TENM2: variants seen among roughly 807,000 people sequenced by gnomAD.
TENM2 encodes teneurin-2.
Under a neutral mutation model 245.2 loss-of-function variants are expected in TENM2, and 52 were observed. The observed-to-expected ratio is 0.21, with a 90% CI of 0.17 to 0.27. TENM2 has a LOEUF of 0.27. Ranked by LOEUF, TENM2 falls within the 10% of genes least tolerant of loss-of-function variation. The pLI is 1.00. For synonymous variants in TENM2, 1,363 were observed against 1,438.9 expected, an observed-to-expected ratio of 0.95 and a Z score of 1.19; for missense variants, 3,046 against 3,666.8, an observed-to-expected ratio of 0.83 and a Z score of 4.37.
At chr5:167,806,929 A>C (rs1361277259) in intron 2 of TENM2, among the ~76,000 whole-genome samples, 1 of 151,788 alleles carries the variant, frequency 6.6e-6, no homozygotes, top group Non-Finnish European at 1.5e-5. Context: ...GAGCACTGCC[A>C]ACCGTGGTAT....
chr5:167,926,684 T>C (rs1260118732), intron 3 of TENM2, among the ~76,000 whole-genome samples: 1 of 150,510 alleles, frequency 6.6e-6, no homozygotes, highest in African/African-American at 2.4e-5. Flanking sequence ...TCACTGCCAC[T>C]GCACTTCAGC....
At chr5:167,330,701 G>A (rs1329853217) in intron 1 of TENM2, among the ~76,000 whole-genome samples, 1 of 152,104 alleles carries the variant, frequency 6.6e-6, no homozygotes, top group Non-Finnish European at 1.5e-5. Flanking sequence ...CAAATCTGAG[G>A]ATCCAGGAGA....
the TENM2 span, among the ~76,000 whole-genome samples, chr5:167,184,279 C>CT: frequency 6.6e-6 from 1 of 152,092 alleles, no homozygotes; most frequent in Non-Finnish European, 1.5e-5. Context: ...TCCTTTCAGC[C>CT]TTTTTTGCCT....
At chr5:167,996,359 A>G (rs1784047291) in intron 5 of TENM2, among the ~76,000 whole-genome samples, 1 of 152,146 alleles carries the variant, frequency 6.6e-6, no homozygotes, top group Non-Finnish European at 1.5e-5. Flanking sequence ...CTCAGCGTAC[A>G]AACATCCTGG....
chr5:167,691,724 A>G (rs1306938946), intron 2 of TENM2, among the ~76,000 whole-genome samples: 1 of 152,138 alleles, frequency 6.6e-6, no homozygotes, highest in Admixed American at 6.5e-5. Context: ...CAGGGAAGAG[A>G]CGCTGTGGCT....
At chr5:168,172,771 A>AG (rs1191854006) in intron 13 of TENM2, among the ~76,000 whole-genome samples, 2 of 152,208 alleles carry the variant, frequency 1.3e-5, no homozygotes. Context: ...CTGAAATGCC[A>AG]GGGGGTGAGC....
the TENM2 span, among the ~76,000 whole-genome samples, chr5:167,197,201 C>A: frequency 1.3e-5 from 2 of 152,052 alleles, no homozygotes. Context: ...AGTAACCTAA[C>A]AGGGACACAC....
the TENM2 span, among the ~76,000 whole-genome samples, chr5:167,015,702 C>A: frequency 6.6e-6 from 1 of 152,008 alleles, no homozygotes; most frequent in African/African-American, 2.4e-5. Context: ...GTAAGGATAC[C>A]AACATTAACC....
In TENM2 at chr5:168,247,422, G is replaced by A. The variant is rs1481302091; in HGVS notation, c.6483G>A (p.Lys2161=). ...ACTTCGACACCCATGGGCGGATCAA[G>A]GAGGTCCAGTATGAGATGTTCCGGT... Residue 2161 remains lysine, a synonymous_variant, in exon 27 of 29, where the codon AAG becomes AAA. Transcript: ENST00000518659. The surrounding 1 kb of genome is among the most constrained non-coding windows in gnomAD (Gnocchi z 7.8). 6.2e-7 allele frequency: 1 copy of A among 1,613,860 alleles called. No individual in the cohort carries two copies. The highest frequency in any genetic ancestry group is 1.3e-5 in the African/African-American group (1 of 74,918).
At chr5:167,429,341 T>C (rs1363254353) in intron 2 of TENM2, among the ~76,000 whole-genome samples, 1 of 152,158 alleles carries the variant, frequency 6.6e-6, no homozygotes, top group African/African-American at 2.4e-5. Context: ...CTCAAAAGAT[T>C]GTTGTGAGGA....
At chr5:167,202,874 C>G in the TENM2 span, among the ~76,000 whole-genome samples, 3 of 152,182 alleles carry the variant, frequency 2.0e-5, no homozygotes, top group East Asian at 5.8e-4. Context: ...AGCACCTTAG[C>G]AAATGACCTA....
Position 167,510,047 on chromosome 5 carries a change from T to C in TENM2, c.502+134574T>C, listed in dbSNP as rs558996076. On this transcript the variant is annotated intron_variant, in intron 2 of 28. Transcript: ENST00000518659. Reference sequence around the variant, plus strand: ...TATCTACTAAATTCTTAAAAGCAAATCTCCATCCGTCATATAGATTTGCAT... The same window carrying C: ...TATCTACTAAATTCTTAAAAGCAAACCTCCATCCGTCATATAGATTTGCAT... 1.9e-4 allele frequency among the ~76,000 whole-genome samples: 29 copies of C among 152,260 alleles called. No homozygotes were observed. In the East Asian group the frequency reaches 5.0e-3, roughly 26 times the overall value.
chr5:168,194,578 A>G (rs1761221769), intron 14 of TENM2, among the ~76,000 whole-genome samples: 1 of 152,152 alleles, frequency 6.6e-6, no homozygotes, highest in Admixed American at 6.5e-5. Flanking sequence ...ATATATACAC[A>G]TTTTTATTGA....
chr5:167,322,623 A>G (rs575796730), intron 1 of TENM2, among the ~76,000 whole-genome samples: 2 of 152,050 alleles, frequency 1.3e-5, no homozygotes, highest in African/African-American at 4.8e-5. Flanking sequence ...AAATCTCCCC[A>G]TTCTTCCTTA....
At chr5:167,134,147 G>A in the TENM2 span, among the ~76,000 whole-genome samples, 3 of 152,128 alleles carry the variant, frequency 2.0e-5, no homozygotes, top group East Asian at 1.9e-4. Context: ...AAAAGAAACA[G>A]CAGCAAAACT....
intron 3 of TENM2, among the ~76,000 whole-genome samples, chr5:167,878,614 G>A (rs1236304224): frequency 1.3e-5 from 2 of 151,126 alleles, no homozygotes; most frequent in Non-Finnish European, 2.9e-5. Flanking sequence ...TGTTTCTTGT[G>A]GAATGGGTTT....
chr5:167,283,326 C>T (rs1008000242), upstream of TENM2, among the ~76,000 whole-genome samples: 90 of 152,036 alleles, frequency 5.9e-4, no homozygotes, highest in African/African-American at 1.5e-3. Context: ...CATGAGCCAC[C>T]GCGCCCAGCC....
chr5:167,300,969 G>A (rs954399590), intron 1 of TENM2, among the ~76,000 whole-genome samples: 30 of 152,242 alleles, frequency 2.0e-4, no homozygotes, highest in African/African-American at 7.0e-4. Context: ...TAGAAGCCTG[G>A]CCGTCAATAC....
chr5:168,069,314 G>T (rs907088758), intron 7 of TENM2, among the ~76,000 whole-genome samples: 6 of 152,204 alleles, frequency 3.9e-5, no homozygotes, highest in Non-Finnish European at 7.3e-5. Flanking sequence ...TATGCTCAGA[G>T]ATGTTAGGAA....
Sources: gnomAD v4.1 joint callset for allele counts (sites outside exome capture counted in the v4.1 genomes callset) on GRCh38, gnomAD v4.1.1 for gene constraint, Gnocchi (gnomAD v3.1) non-coding constraint, MANE v1.5 for transcripts, NCBI Gene and HGNC (gene_info 2026-07-23, HGNC 2026-07-21) for gene names.